CUL2: variants seen among roughly 807,000 people sequenced by gnomAD.
CUL2 encodes the protein cullin 2.
A neutral mutation model predicts 110.2 loss-of-function variants in CUL2; 22 were observed. The observed-to-expected ratio is 0.20, with a 90% CI of 0.14 to 0.28. The LOEUF (loss-of-function observed/expected upper bound fraction) is 0.28. Ranked by LOEUF, CUL2 falls within the 10% of genes least tolerant of loss-of-function variation. The pLI, the probability that CUL2 is intolerant of heterozygous loss-of-function variation, is 1.00. For synonymous variants in CUL2, 279 were observed against 293.2 expected (o/e 0.95, Z 0.49); for missense variants, 631 against 905.5 (o/e 0.70, Z 3.89).
intron 2 of CUL2, among the ~76,000 whole-genome samples, chr10:35,068,068 C>A (rs1423375448): frequency 6.7e-6 from 1 of 148,878 alleles, no homozygotes; most frequent in African/African-American, 2.5e-5. Flanking sequence ...CGAGATCGAG[C>A]CACTGCACTC....
At chr10:35,068,855 A>C (rs1483701964) in intron 2 of CUL2, among the ~76,000 whole-genome samples, 2 of 152,092 alleles carry the variant, frequency 1.3e-5, no homozygotes, top group Non-Finnish European at 2.9e-5. Context: ...TATAACAATT[A>C]GTAGCATAGT....
chr10:35,017,874 TTAAA>T (rs2085077001), intron 17 of CUL2, among the ~76,000 whole-genome samples: 1 of 75,170 alleles, frequency 1.3e-5, no homozygotes. Context: ...CCATACGTGT[TTAAA>T]AAAAAAAAAA....
chr10:35,105,308 C>T (rs916844773), intron 1 of CUL2, among the ~76,000 whole-genome samples: 1 of 151,968 alleles, frequency 6.6e-6, no homozygotes, highest in Admixed American at 6.6e-5. Flanking sequence ...CGCCTGTAGT[C>T]CCAGCTACTC....
chr10:35,122,092 T>A (rs976597823), intron 1 of CUL2, among the ~76,000 whole-genome samples: 3 of 152,164 alleles, frequency 2.0e-5, no homozygotes, highest in African/African-American at 7.2e-5. Context: ...ATCAAAGACA[T>A]CATAAATCAA....
chr10:35,113,642 T>C (rs902809325), intron 1 of CUL2, among the ~76,000 whole-genome samples: 1 of 142,034 alleles, frequency 7.0e-6, no homozygotes, highest in African/African-American at 2.6e-5. Flanking sequence ...AGGAGAAAAA[T>C]AGAAAAATCA....
intron 5 of CUL2, among the ~76,000 whole-genome samples, chr10:35,050,745 T>G (rs529664024): frequency 6.6e-6 from 1 of 152,356 alleles, no homozygotes; most frequent in East Asian, 1.9e-4. Flanking sequence ...ACTGCTGATG[T>G]GTCTGTGATT....
chr10:35,098,214 AG>A, intron 2 of CUL2: 1 of 152,316 alleles, frequency 6.6e-6, no homozygotes, highest in South Asian at 2.1e-4. Flanking sequence ...ACTTTTAGAC[AG>A]GTAATTTAAT....
intron 17 of CUL2, among the ~76,000 whole-genome samples, chr10:35,021,105 T>C (rs1207864475): frequency 1.3e-5 from 2 of 151,864 alleles, no homozygotes; most frequent in African/African-American, 4.8e-5. Context: ...CACCTTCTCA[T>C]GGACCTTAGG....
intron 1 of CUL2, 24 bp from the exon 2 acceptor site, chr10:35,071,363 A>G (rs1459699819): frequency 1.9e-6 from 3 of 1,574,862 alleles, no homozygotes; most frequent in South Asian, 2.3e-5. Context: ...AACAATAACA[A>G]TGTTAGCAAT....
At chr10:35,112,129 T>C in intron 1 of CUL2, among the ~76,000 whole-genome samples, 1 of 152,198 alleles carries the variant, frequency 6.6e-6, no homozygotes, top group South Asian at 2.1e-4. Context: ...GTAAATCAAA[T>C]TGCTTCTCAC....
At chr10:35,080,882 G>A (rs2086931155) in intron 1 of CUL2, among the ~76,000 whole-genome samples, 1 of 152,090 alleles carries the variant, frequency 6.6e-6, no homozygotes, top group African/African-American at 2.4e-5. Flanking sequence ...GTGACACGGT[G>A]GGGAGTAGGG....
At position 35,113,261 on chromosome 10, in the gene CUL2, C is replaced by T. The variant is rs189212548; in HGVS notation, c.-50-12201G>A. ...CTGTAATCCCAGCATTTTGGGAGCC[C>T]GAGGTGGGTGGATCACCTGAAGTCA... On this transcript the variant is annotated intron_variant, in intron 1 of 5. Coordinates refer to the CUL2 transcript ENST00000685421. 2.8e-3 allele frequency among the ~76,000 whole-genome samples: 420 copies of T among 150,444 alleles called. 9 individuals carry two copies. The highest frequency in any genetic ancestry group is 0.027 in the Admixed American group (407 of 14,982).
chr10:35,117,388 C>A (rs1011571160), intron 1 of CUL2, among the ~76,000 whole-genome samples: 1 of 152,100 alleles, frequency 6.6e-6, no homozygotes, highest in African/African-American at 2.4e-5. Flanking sequence ...ATGAGTGCCA[C>A]CATGCCTGGC....
chr10:35,083,574 C>T (rs1038202965), intron 1 of CUL2, among the ~76,000 whole-genome samples: 1 of 152,162 alleles, frequency 6.6e-6, no homozygotes, highest in Non-Finnish European at 1.5e-5. Context: ...CCTAGAACAC[C>T]TATGATGTCA....
intron 6 of CUL2, among the ~76,000 whole-genome samples, chr10:35,049,016 A>G (rs1564721762): frequency 6.6e-6 from 1 of 152,220 alleles, no homozygotes; most frequent in Non-Finnish European, 1.5e-5. Context: ...TTCCTATAAC[A>G]TCAGTTCCAG....
chr10:35,066,880 A>G (rs2086542360), intron 2 of CUL2, among the ~76,000 whole-genome samples: 1 of 152,172 alleles, frequency 6.6e-6, no homozygotes, highest in Non-Finnish European at 1.5e-5. Flanking sequence ...GGTTACTAAG[A>G]CCTTCTTCTT....
At position 35,021,826 on chromosome 10, in the gene CUL2, T is replaced by TGAGGCGAGGCGAGGC. The variant is rs1167291479; in HGVS notation, c.1684+3305_1684+3306insGCCTCGCCTCGCCTC. 1.2e-4 allele frequency among the ~76,000 whole-genome samples: 11 copies of TGAGGCGAGGCGAGGC among 91,016 alleles called. No homozygotes were observed. In the East Asian group the frequency reaches 2.2e-3, roughly 18 times the overall value. 59.7% of individuals were successfully genotyped at this position (91,016 alleles called of 152,430 possible). A position where few individuals can be genotyped will look rare whatever the true frequency, so the allele number is the denominator to read the frequency against. On this transcript the variant is annotated intron_variant, in intron 17 of 20. Transcript: ENST00000374749. ...TGAGGAGAGGCGAGGTGGGGTGAGG[T>TGAGGCGAGGCGAGGC]GAGGCGAGGTGAGGTGAGGTGAGGT...
chr10:35,100,047 C>T (rs1246965383), intron 2 of CUL2, among the ~76,000 whole-genome samples: 3 of 151,900 alleles, frequency 2.0e-5, no homozygotes, highest in Admixed American at 6.6e-5. Context: ...CTCAAGCAAT[C>T]CTCCTGTCTT....
chr10:35,034,575 C>T (rs2085571171), intron 10 of CUL2, among the ~76,000 whole-genome samples: 1 of 152,142 alleles, frequency 6.6e-6, no homozygotes, highest in Admixed American at 6.5e-5. Context: ...CTCTCTTGCT[C>T]ATCAAACATT....
Sources: allele counts gnomAD v4.1 joint callset (sites outside exome capture counted in the v4.1 genomes callset), GRCh38; gene constraint gnomAD v4.1.1; transcripts MANE v1.5; gene names NCBI Gene and HGNC (gene_info 2026-07-23, HGNC 2026-07-21).